The following TCF4 variants were observed in gnomAD, a reference collection of about 807,000 sequenced individuals.
The protein encoded by TCF4 is transcription factor 4.
Under a neutral mutation model 82.1 loss-of-function variants are expected in TCF4, and 3 were observed. The ratio of observed to expected loss-of-function variants is 0.04; its 90% CI spans 0.02 to 0.09. The LOEUF is 0.09. Ranked by LOEUF, TCF4 falls within the 10% of genes least tolerant of loss-of-function variation. The pLI is 1.00. For missense variants in TCF4, 518 were observed against 852.7 expected (o/e 0.61, Z 4.89); for synonymous variants, 276 against 309.6 (o/e 0.89, Z 1.14).
Position 55,228,244 on chromosome 18 carries a change from T to C in TCF4, c.1997A>G (p.Asn666Ser), listed in dbSNP as rs1282744460. ...GCCCTTTTACATCTGTCCCATGTGA[T>C]TCGATGCGTCTCCCATTCCAGGGTG... ...GPHPGMGDAS[N>S]HMGQM is the part of the protein sequence containing the mutation. Residue 666 changes from asparagine to serine, a missense_variant, in exon 19 of 20, where the codon AAT becomes AGT. By Grantham distance (46) the Asn-to-Ser change is conservative. Coordinates refer to ENST00000354452, the MANE Select transcript of TCF4 (RefSeq NM_001083962.2). 1.2e-6 allele frequency: 2 copies of C among 1,614,162 alleles called. No individual in the cohort carries two copies. The highest frequency in any genetic ancestry group is 1.7e-6 in the Non-Finnish European group (2 of 1,180,012).
At chr18:55,465,143 C>T (rs2095983901) in intron 3 of TCF4, among the ~76,000 whole-genome samples, 1 of 152,116 alleles carries the variant, frequency 6.6e-6, no homozygotes, top group South Asian at 2.1e-4. Flanking sequence ...ATCACAAACA[C>T]CCTCTGACAG....
chr18:55,265,490 C>T (rs926375337), intron 11 of TCF4: 1 of 152,122 alleles, frequency 6.6e-6, no homozygotes, highest in Non-Finnish European at 1.5e-5. Context: ...AGTTGGGCTT[C>T]CTGATCGTGC....
chr18:55,454,899 A>T (rs2095705023), intron 5 of TCF4, among the ~76,000 whole-genome samples: 2 of 152,146 alleles, frequency 1.3e-5, no homozygotes, highest in South Asian at 4.1e-4. Context: ...AGAAAACTCA[A>T]TTCTTGGCTG....
At chr18:55,281,660 A>G (rs1451259256) in intron 8 of TCF4, among the ~76,000 whole-genome samples, 2 of 151,848 alleles carry the variant, frequency 1.3e-5, no homozygotes, top group African/African-American at 4.8e-5. Flanking sequence ...TTAAACATAT[A>G]TATCATTATG....
intron 5 of TCF4, among the ~76,000 whole-genome samples, chr18:55,451,731 G>A (rs1451215748): frequency 1.3e-5 from 2 of 152,092 alleles, no homozygotes; most frequent in African/African-American, 2.4e-5. Flanking sequence ...GTGTTTAATC[G>A]CAACCCCGCC....
intron 5 of TCF4, among the ~76,000 whole-genome samples, chr18:55,444,100 A>G (rs1203876353): frequency 6.6e-6 from 1 of 152,238 alleles, no homozygotes; most frequent in East Asian, 1.9e-4. Flanking sequence ...GAGTGAAAGG[A>G]CAGAATTATT....
rs763349461 is a variant in TCF4 at position 55,461,111 on chromosome 18, T to C, written c.212A>G (p.Tyr71Cys). Residue 71 changes from tyrosine (Y) to cysteine (C), a missense_variant, in exon 5 of 20, where the codon TAT becomes TGT. Coordinates refer to ENST00000354452, the MANE Select transcript of TCF4 (RefSeq NM_001083962.2). Reference sequence around the variant, plus strand: ...GTGGTCATAGGGAGTCCCATCTCCATAGTTCTGTAAATAAAATGACAGTGT... The same window carrying C: ...GTGGTCATAGGGAGTCCCATCTCCACAGTTCTGTAAATAAAATGACAGTGT... Reference protein sequence around the residue: ...NGGHPSPSRNYGDGTPYDHMT... With the variant: ...NGGHPSPSRNCGDGTPYDHMT... 8.1e-6 allele frequency: 13 copies of C among 1,611,352 alleles called. No individual in the cohort carries two copies. The highest frequency in any genetic ancestry group is 1.3e-5 in the African/African-American group (1 of 74,946).
rs978380862 is a variant in TCF4 at position 55,575,269 on chromosome 18, GCA to G, written c.145+10009_145+10010del. Among the ~76,000 whole-genome samples, 30 of 152,304 alleles carry G rather than the reference GCA, an allele frequency of 2.0e-4. No homozygotes were observed. The South Asian group carries it at 2.1e-3, about 11-fold the overall frequency. On this transcript the variant is annotated intron_variant, in intron 3 of 19. Transcript: ENST00000354452. ...ACAGAAAAGCATTCAATGGTTTGGG[GCA>G]CTAGTGGACAATAATGTCCAAGAGG...
chr18:55,587,388 T>C (rs1203979699), intron 1 of TCF4, among the ~76,000 whole-genome samples: 1 of 99,632 alleles, frequency 1.0e-5, no homozygotes, highest in Non-Finnish European at 1.9e-5. Context: ...ATATTGTATT[T>C]CCAAAGAGAC....
chr18:55,256,481 C>T (rs1443987969), intron 14 of TCF4, among the ~76,000 whole-genome samples: 3 of 152,086 alleles, frequency 2.0e-5, no homozygotes, highest in Admixed American at 2.0e-4. Flanking sequence ...AGGAAGAACA[C>T]AGCAAAGGAG....
chr18:55,256,333 A>G (rs1036817994), intron 14 of TCF4, among the ~76,000 whole-genome samples: 1 of 152,162 alleles, frequency 6.6e-6, no homozygotes, highest in African/African-American at 2.4e-5. Flanking sequence ...AGAATAACTG[A>G]TGAAGGTAAA....
At chr18:55,532,305 C>T (rs759444217) in intron 3 of TCF4, among the ~76,000 whole-genome samples, 17 of 152,164 alleles carry the variant, frequency 1.1e-4, no homozygotes, top group Admixed American at 5.2e-4. Context: ...ATCATCAACA[C>T]GCCATGGCTA....
chr18:55,588,085 G>T lies in TCF4; in HGVS notation c.-68C>A. On this transcript the variant is annotated 5_prime_UTR_variant, in exon 1 of 20. Transcript: ENST00000354452. Reference sequence around the variant, plus strand: ...CTCCGTGCACCGCCGGCGCCGAGGCGGCGTTCATGTCTAACCGCCGCCGCC... The same window carrying T: ...CTCCGTGCACCGCCGGCGCCGAGGCTGCGTTCATGTCTAACCGCCGCCGCC... The T allele has an allele frequency of 1.0e-6, 1 of 997,646 alleles. No individual in the cohort carries two copies. Among genetic ancestry groups the T allele is most frequent in the African/African-American group, 1.7e-5 (1 of 57,326 alleles). 61.8% of individuals were successfully genotyped at this position (997,646 alleles called of 1,614,324 possible).
intron 5 of TCF4, among the ~76,000 whole-genome samples, chr18:55,438,819 G>A (rs950916783): frequency 2.0e-5 from 3 of 151,890 alleles, no homozygotes; most frequent in African/African-American, 7.2e-5. Context: ...GTATCTGAAG[G>A]TGAGAAGAAG....
chr18:55,522,666 A>G (rs530635119), intron 3 of TCF4, among the ~76,000 whole-genome samples: 2 of 152,268 alleles, frequency 1.3e-5, no homozygotes, highest in East Asian at 1.9e-4. Flanking sequence ...ACAATAATAC[A>G]TGGAAAAAAA....
chr18:55,228,501 G>T, intron 18 of TCF4, 140 bp from the exon 19 acceptor site: 1 of 1,218,218 alleles, frequency 8.2e-7, no homozygotes, highest in Non-Finnish European at 1.2e-6. Context: ...AAGTACTGTG[G>T]CAATCCATTT....
intron 8 of TCF4, among the ~76,000 whole-genome samples, chr18:55,299,794 T>G (rs534377535): frequency 2.0e-5 from 3 of 152,216 alleles, no homozygotes; most frequent in Admixed American, 2.0e-4. Flanking sequence ...GACCCTCCCT[T>G]GGCATATTCA....
At chr18:55,536,727 G>A (rs2097118852) in intron 3 of TCF4, among the ~76,000 whole-genome samples, 1 of 152,156 alleles carries the variant, frequency 6.6e-6, no homozygotes, top group South Asian at 2.1e-4. Context: ...AATTTCTGAG[G>A]AGTAAACATT....
At chr18:55,604,092 C>T (rs1603625276) in intron 2 of TCF4, among the ~76,000 whole-genome samples, 1 of 152,240 alleles carries the variant, frequency 6.6e-6, no homozygotes, top group East Asian at 1.9e-4. Flanking sequence ...GCGTTGGACA[C>T]ATTTTTATTG....
Sources: allele counts gnomAD v4.1 joint callset (sites outside exome capture counted in the v4.1 genomes callset), GRCh38; gene constraint gnomAD v4.1.1; transcripts MANE v1.5; gene names NCBI Gene and HGNC (gene_info 2026-07-23, HGNC 2026-07-21).